The following HNRNPL variants were observed in gnomAD, a reference collection of about 807,000 sequenced individuals.
The protein encoded by HNRNPL is heterogeneous nuclear ribonucleoprotein L, also known as epididymis secretory sperm binding protein.
A neutral mutation model predicts 64.0 loss-of-function variants in HNRNPL; 12 were observed. The observed-to-expected ratio is 0.19, with a 90% CI of 0.12 to 0.30. The LOEUF is 0.30. Among genes scored for constraint, HNRNPL ranks in the 10% least tolerant of loss-of-function variants. The pLI, the probability that HNRNPL is intolerant of heterozygous loss-of-function variation, is 1.00. For missense variants in HNRNPL, 484 were observed against 797.4 expected, an observed-to-expected ratio of 0.61 and a Z score of 4.73; for synonymous variants, 385 against 313.0, an observed-to-expected ratio of 1.23 and a Z score of -2.43.
chr19:38,851,963 C>A (rs1346038346), upstream of HNRNPL, among the ~76,000 whole-genome samples: 1 of 151,742 alleles, frequency 6.6e-6, no homozygotes, highest in Non-Finnish European at 1.5e-5. Flanking sequence ...CGGGAGGAGG[C>A]CGGGCCGGTC....
At chr19:38,837,289 G>A (rs2145404239) in intron 12 of HNRNPL, 95 bp downstream of exon 12, 16 of 934,648 alleles carry the variant, frequency 1.7e-5, no homozygotes, top group Non-Finnish European at 2.8e-5. Flanking sequence ...AGATCCCGGG[G>A]TCCTATCTCA....
intron 8 of HNRNPL, chr19:38,839,327 T>A: frequency 3.0e-6 from 1 of 338,620 alleles, no homozygotes; most frequent in South Asian, 2.7e-5. Context: ...CACAGACGTG[T>A]GTGATCTATG....
At chr19:38,850,010 G>T, upstream of HNRNPL, 2 of 1,303,818 alleles carry the variant, frequency 1.5e-6, no homozygotes, top group Non-Finnish European at 9.8e-7. Context: ...TTGGGGGAGG[G>T]ACACGCCCGT....
chr19:38,852,112 C>G (rs1015469430), upstream of HNRNPL, among the ~76,000 whole-genome samples: 1 of 136,426 alleles, frequency 7.3e-6, no homozygotes, highest in South Asian at 2.1e-4. Context: ...CGGAGCACGG[C>G]GGAACGGTCT....
At chr19:38,845,410 G>C (rs767241653) in intron 4 of HNRNPL, 78 of 505,510 alleles carry the variant, frequency 1.5e-4, no homozygotes, top group Non-Finnish European at 2.4e-4. Flanking sequence ...AAAACAAAAA[G>C]AAAAATAAAT....
intron 11 of HNRNPL, 43 bp from the exon 12 acceptor site, chr19:38,837,522 C>T: frequency 3.1e-6 from 5 of 1,611,858 alleles, no homozygotes; most frequent in Non-Finnish European, 4.2e-6. Context: ...TTAGACTCAC[C>T]CAATAGGAAC....
chr19:38,849,422 C>A (rs1324113248), intron 1 of HNRNPL: 1 of 381,136 alleles, frequency 2.6e-6, no homozygotes, highest in South Asian at 1.4e-4. Context: ...GCCCGGCCCC[C>A]ACACGCCAGC....
chr19:38,844,030 G>C lies in HNRNPL; in HGVS notation c.785C>G (p.Thr262Ser). The C allele has an allele frequency of 6.2e-7, 1 of 1,613,940 alleles. No homozygotes were observed. ...NGADIYSGCC[T>S]LKIEYAKPTR... ...TACCTTTGCGTATTCGATCTTCAGA[G>C]TGCAACAGCCAGAATAGATATCAGC... Residue 262 changes from threonine (T) to serine (S), a missense_variant, in exon 5 of 13, where the codon ACT becomes AGT. This residue lies in a region of HNRNPL where 60 missense variants were observed against 192.2 expected (regional missense o/e 0.31). Coordinates refer to ENST00000221419, the MANE Select transcript of HNRNPL (RefSeq NM_001533.3).
At chr19:38,841,738 A>AT (rs984965237) in intron 6 of HNRNPL, 4 of 724,594 alleles carry the variant, frequency 5.5e-6, no homozygotes, top group Non-Finnish European at 8.3e-6. Context: ...ATCCGCTACA[A>AT]TTTTTTTAAA....
At chr19:38,844,324 C>T (rs900294831) in intron 4 of HNRNPL, among the ~76,000 whole-genome samples, 1 of 152,186 alleles carries the variant, frequency 6.6e-6, no homozygotes, top group African/African-American at 2.4e-5. Context: ...CCAGAGTTCT[C>T]TCATAATCTG....
chr19:38,837,475 C>T lies in HNRNPL; in HGVS notation c.1620G>A (p.Glu540=), dbSNP rs745680829. The T allele has an allele frequency of 6.2e-7, 1 of 1,614,150 alleles. No individual in the cohort carries two copies. Among genetic ancestry groups the T allele is most frequent in the Admixed American group, 1.7e-5 (1 of 60,032 alleles). ...ACTCCAGCAGTCCAGAGGAGCTGCG[C>T]TCACCTGATTGCAAACCAAGGGGAA... The part of the protein sequence containing the change: ...SSVKVFSGKS[E]RSSSGLLEWE... Residue 540 remains glutamate (E), a synonymous_variant, in exon 12 of 13, where the codon GAG becomes GAA. Coordinates refer to ENST00000221419, the MANE Select transcript of HNRNPL (RefSeq NM_001533.3).
chr19:38,837,752 CAGG>C (rs750014895), intron 10 of HNRNPL, 101 bp from the exon 11 acceptor site: 27 of 1,000,634 alleles, frequency 2.7e-5, no homozygotes, highest in Non-Finnish European at 3.8e-5. Flanking sequence ...TTGAAGTTTT[CAGG>C]AGAAAAGGCT....
Position 38,849,708 on chromosome 19 carries a change from C to A in HNRNPL, c.259G>T (p.Gly87Cys). ...GGGAGAAGGG[G>C]GGENYDDPHK... is the part of the protein sequence containing the mutation. Reference sequence around the variant, plus strand: ...TAGGGCCCTGGCCTCACCCCACCGCCGCCGCCGCCCGCCGCCCCGGCTCCT... The same window carrying A: ...TAGGGCCCTGGCCTCACCCCACCGCAGCCGCCGCCCGCCGCCCCGGCTCCT... The change falls in exon 1 of 13, where the codon GGC (glycine) becomes TGC (cysteine). Residue 87 changes from glycine (G) to cysteine (C), a missense_variant. Gly to Cys is a radical substitution (Grantham distance 159). Coordinates refer to ENST00000221419, the MANE Select transcript of HNRNPL (RefSeq NM_001533.3). 1 of 1,359,754 alleles carries A rather than the reference C, an allele frequency of 7.4e-7. No individual in the cohort carries two copies. Among genetic ancestry groups the A allele is most frequent in the Non-Finnish European group, 9.4e-7 (1 of 1,066,014 alleles). The allele number at this position is 1,359,754 out of a possible 1,614,324, so 84.2% of individuals were successfully genotyped here. A position where few individuals can be genotyped will look rare whatever the true frequency, so the allele number is the denominator to read the frequency against.
intron 6 of HNRNPL, chr19:38,841,468 C>T: frequency 2.4e-6 from 1 of 416,050 alleles, no homozygotes; most frequent in East Asian, 7.1e-5. Flanking sequence ...ACTCCAAAAC[C>T]CAGGGCTCGA....
chr19:38,843,733 C>T, intron 6 of HNRNPL, 109 bp downstream of exon 6: 2 of 913,092 alleles, frequency 2.2e-6, no homozygotes, highest in South Asian at 1.5e-5. Flanking sequence ...CTCCCATGTC[C>T]ATGGGGGGCC....
At chr19:38,848,820 TTAAGA>T (rs1164171681) in intron 1 of HNRNPL, among the ~76,000 whole-genome samples, 3 of 152,206 alleles carry the variant, frequency 2.0e-5, no homozygotes, top group Non-Finnish European at 2.9e-5. Flanking sequence ...GGATTTTCAA[TTAAGA>T]TGTCTTTAAA....
chr19:38,849,509 C>G, intron 1 of HNRNPL, 191 bp downstream of exon 1: 1 of 769,256 alleles, frequency 1.3e-6, no homozygotes, highest in Non-Finnish European at 1.8e-6. Context: ...CTCCGGACCC[C>G]GCGCACGCGC....
chr19:38,847,429 G>A lies in HNRNPL; in HGVS notation c.273C>T (p.Asn91=), dbSNP rs148574734. 4.2e-5 allele frequency: 63 copies of A among 1,505,518 alleles called. No individual in the cohort carries two copies. In the African/African-American group the frequency reaches 8.5e-4, roughly 20 times the overall value. The allele number at this position is 1,505,518 out of a possible 1,614,324, so 93.3% of individuals were successfully genotyped here. The change falls in exon 2 of 13, where the codon AAC becomes AAT. Residue 91 remains asparagine (N), a synonymous_variant. Transcript: ENST00000221419. ...GAAGGGGGGE[N]YDDPHKTPAS... ...CAGGGGTTTTGTGCGGGTCATCGTAGTTCTCCTGAGAAAGGAAGCAAAAAC... is the reference window on the plus strand; with the variant it reads ...CAGGGGTTTTGTGCGGGTCATCGTAATTCTCCTGAGAAAGGAAGCAAAAAC...
intron 6 of HNRNPL, chr19:38,841,343 T>C: frequency 2.9e-6 from 1 of 346,034 alleles, no homozygotes; most frequent in Non-Finnish European, 5.7e-6. Flanking sequence ...TCAGCCCCAT[T>C]TTACAGATAA....
Sources: gnomAD v4.1 joint callset for allele counts (sites outside exome capture counted in the v4.1 genomes callset) on GRCh38, gnomAD v4.1.1 for gene constraint, gnomAD v4.1.1 regional missense constraint, MANE v1.5 for transcripts, NCBI Gene and HGNC (gene_info 2026-07-23, HGNC 2026-07-21) for gene names.